Variants in TNS3 observed in about 807,000 individuals in gnomAD.
TNS3 encodes tensin 3, also known as tensin-3.
A neutral mutation model predicts 140.9 loss-of-function variants in TNS3; 45 were observed. The ratio of observed to expected loss-of-function variants is 0.32; its 90% CI spans 0.25 to 0.41. The LOEUF is 0.41. Among genes scored for constraint, TNS3 ranks in the 10% least tolerant of loss-of-function variants. The probability of loss-of-function intolerance (pLI) is 1.00; values close to 1 mark genes in which losing one functional copy is unlikely to be tolerated. For synonymous variants in TNS3, 815 were observed against 788.4 expected (o/e 1.03, Z -0.56); for missense variants, 1,716 against 1,906.7 (o/e 0.90, Z 1.86).
chr7:47,538,484 A>G (rs1799683595), intron 1 of TNS3, among the ~76,000 whole-genome samples: 2 of 152,112 alleles, frequency 1.3e-5, no homozygotes, highest in Admixed American at 6.5e-5. Flanking sequence ...CTCTAACTTC[A>G]GATCTACAGC....
chr7:47,499,902 G>A (rs55885018), intron 3 of TNS3, among the ~76,000 whole-genome samples: 6,601 of 152,108 alleles, frequency 0.043, 511 homozygotes, highest in African/African-American at 0.15. Context: ...GTTCTGGTGC[G>A]GCGATGCTGA....
At chr7:47,578,367 CAGTG>C (rs1384713445) in intron 1 of TNS3, among the ~76,000 whole-genome samples, 1 of 152,184 alleles carries the variant, frequency 6.6e-6, no homozygotes, top group Non-Finnish European at 1.5e-5. Flanking sequence ...TTCCCTGACA[CAGTG>C]AGGCATTCCG....
intron 6 of TNS3, among the ~76,000 whole-genome samples, chr7:47,437,686 T>C (rs1177004608): frequency 1.3e-5 from 2 of 148,980 alleles, no homozygotes; most frequent in African/African-American, 4.9e-5. Context: ...ACCAGGCGAT[T>C]TACTGTGTTA....
chr7:47,304,603 C>T (rs1453584412), intron 21 of TNS3, among the ~76,000 whole-genome samples: 2 of 151,176 alleles, frequency 1.3e-5, no homozygotes, highest in Non-Finnish European at 3.0e-5. Context: ...TCCTGTATTT[C>T]CTGTATGTCC....
At chr7:47,530,713 A>C (rs528818711) in intron 1 of TNS3, among the ~76,000 whole-genome samples, 1 of 150,258 alleles carries the variant, frequency 6.7e-6, no homozygotes, top group Non-Finnish European at 1.5e-5. Flanking sequence ...AATCCCAGCT[A>C]CTCGGGAGGC....
At chr7:47,390,938 T>C (rs1792477020) in intron 16 of TNS3, among the ~76,000 whole-genome samples, 1 of 152,090 alleles carries the variant, frequency 6.6e-6, no homozygotes, top group South Asian at 2.1e-4. Context: ...TCCAGCCTCT[T>C]TGTTATCTTT....
At chr7:47,557,820 A>T (rs1239599776) in intron 1 of TNS3, among the ~76,000 whole-genome samples, 1 of 152,202 alleles carries the variant, frequency 6.6e-6, no homozygotes, top group African/African-American at 2.4e-5. Context: ...GAATTATTCC[A>T]CACCACATGC....
chr7:47,442,091 C>G (rs1263583260), intron 4 of TNS3, 36 bp from the exon 5 acceptor site: 1 of 1,236,622 alleles, frequency 8.1e-7, no homozygotes, highest in Non-Finnish European at 1.0e-6. Context: ...TTTGAAGTTT[C>G]CTTTCCTGCC....
At chr7:47,523,182 G>A (rs1799053418) in intron 2 of TNS3, among the ~76,000 whole-genome samples, 1 of 152,068 alleles carries the variant, frequency 6.6e-6, no homozygotes, top group Non-Finnish European at 1.5e-5. Context: ...ATAGCCAAAG[G>A]TGTGAGGGAG....
At position 47,389,768 on chromosome 7, in the gene TNS3, C is replaced by T. The variant is rs546399709; in HGVS notation, c.1024+7032G>A. 7.2e-4 allele frequency among the ~76,000 whole-genome samples: 110 copies of T among 152,340 alleles called. 2 individuals are homozygous for T. Among genetic ancestry groups the T allele is most frequent in the Admixed American group, 6.9e-3 (105 of 15,310 alleles). On this transcript the variant is annotated intron_variant, in intron 16 of 30. Transcript: ENST00000311160. ...TGAGGAAGATTTGCTGTTTGGTCTG[C>T]GATCACGCCTGCAAGGGGGTCCTTT...
intron 1 of TNS3, among the ~76,000 whole-genome samples, chr7:47,538,708 T>A (rs543967676): frequency 6.6e-6 from 1 of 152,254 alleles, no homozygotes; most frequent in South Asian, 2.1e-4. Context: ...AAAAACCTCC[T>A]CCTAGAACAC....
intron 20 of TNS3, among the ~76,000 whole-genome samples, chr7:47,338,611 T>C (rs1788767148): frequency 2.0e-5 from 3 of 152,212 alleles, no homozygotes; most frequent in Admixed American, 1.3e-4. Flanking sequence ...CAGGGGATAC[T>C]GAATTTGCTT....
intron 2 of TNS3, among the ~76,000 whole-genome samples, chr7:47,512,588 G>C (rs1477861979): frequency 1.3e-5 from 2 of 152,196 alleles, no homozygotes; most frequent in African/African-American, 2.4e-5. Flanking sequence ...ACTCTGTGTT[G>C]TATGAAATAA....
chr7:47,276,650 A>G lies in TNS3; in HGVS notation c.*1426T>C, dbSNP rs1784882020. ...ACTCTGGGGATGTTCCAGGGTCACA[A>G]ATTCCCCCAAACCTTTGACCACGAA... is the stretch of plus-strand genomic sequence containing the variant. On this transcript the variant is annotated 3_prime_UTR_variant, in exon 31 of 31. Coordinates refer to ENST00000311160, the MANE Select transcript of TNS3 (RefSeq NM_022748.12). 1 of 152,328 alleles carries G rather than the reference A, an allele frequency of 6.6e-6. No individual in the cohort carries two copies. The highest frequency in any genetic ancestry group is 3.4e-3 in the Middle Eastern group (1 of 294). 9.4% of individuals were successfully genotyped at this position (152,328 alleles called of 1,614,324 possible).
chr7:47,439,221 C>G (rs1345370064), intron 6 of TNS3, among the ~76,000 whole-genome samples: 1 of 152,200 alleles, frequency 6.6e-6, no homozygotes, highest in Non-Finnish European at 1.5e-5. Context: ...GGGGAGCCAG[C>G]CTCACTGATG....
chr7:47,545,639 A>G (rs1242494841), intron 1 of TNS3, among the ~76,000 whole-genome samples: 1 of 152,172 alleles, frequency 6.6e-6, no homozygotes, highest in Non-Finnish European at 1.5e-5. Flanking sequence ...ACAGATAGCC[A>G]TCTCAGTTAC....
chr7:47,453,773 T>C (rs1796128610), intron 4 of TNS3, among the ~76,000 whole-genome samples: 1 of 152,210 alleles, frequency 6.6e-6, no homozygotes, highest in Non-Finnish European at 1.5e-5. Flanking sequence ...ACGGCAGATC[T>C]TGGTGACATA....
upstream of TNS3, chr7:47,582,548 T>A (rs115319508): frequency 1.3e-3 from 578 of 454,096 alleles, 1 homozygote; most frequent in African/African-American, 0.01. Flanking sequence ...CATAGCCTAG[T>A]GGGAGTCGCG....
At chr7:47,338,021 G>A (rs533486838) in intron 20 of TNS3, among the ~76,000 whole-genome samples, 36 of 152,248 alleles carry the variant, frequency 2.4e-4, no homozygotes, top group Non-Finnish European at 3.1e-4. Flanking sequence ...AGACCCATCC[G>A]GGTTGTTGTG....
Sources: allele counts gnomAD v4.1 joint callset (sites outside exome capture counted in the v4.1 genomes callset), GRCh38; gene constraint gnomAD v4.1.1; transcripts MANE v1.5; gene names NCBI Gene and HGNC (gene_info 2026-07-23, HGNC 2026-07-21).